The following ADGRB3 variants were observed in gnomAD, a reference collection of about 807,000 sequenced individuals.
ADGRB3 encodes the protein adhesion G protein-coupled receptor B3, also known as brain-specific angiogenesis inhibitor 3.
Under a neutral mutation model 193.4 loss-of-function variants are expected in ADGRB3, and 37 were observed. That is an observed-to-expected ratio of 0.19 (90% CI 0.15 to 0.25). ADGRB3 has a LOEUF of 0.25. ADGRB3 is among the 10% of genes least tolerant of loss of function. The pLI is 1.00. For missense variants in ADGRB3, 1,637 were observed against 1,852.9 expected, an observed-to-expected ratio of 0.88 and a Z score of 2.14; for synonymous variants, 690 against 644.2, an observed-to-expected ratio of 1.07 and a Z score of -1.08.
intron 10 of ADGRB3, among the ~76,000 whole-genome samples, chr6:68,985,603 T>C (rs1211282202): frequency 1.3e-5 from 2 of 152,132 alleles, no homozygotes; most frequent in African/African-American, 2.4e-5. Context: ...CCTGAGAGTG[T>C]CATTCATTGC....
chr6:69,037,130 G>A (rs928799835), intron 13 of ADGRB3, among the ~76,000 whole-genome samples: 5 of 152,182 alleles, frequency 3.3e-5, no homozygotes, highest in East Asian at 3.9e-4. Flanking sequence ...TGTAGGGGGC[G>A]AAAATATCAA....
intron 24 of ADGRB3, 97 bp from the exon 25 acceptor site, chr6:69,338,819 C>T: frequency 1.1e-6 from 1 of 951,890 alleles, no homozygotes; most frequent in Non-Finnish European, 1.7e-6. Context: ...TACTTTTCTG[C>T]ATGAAATCGT....
chr6:68,869,721 C>A (rs188359436), intron 3 of ADGRB3, among the ~76,000 whole-genome samples: 63 of 143,136 alleles, frequency 4.4e-4, no homozygotes, highest in African/African-American at 1.4e-3. Flanking sequence ...GTGAGGCCTG[C>A]ATACATACAT....
chr6:68,844,146 G>C (rs1046688653), intron 3 of ADGRB3, among the ~76,000 whole-genome samples: 21 of 152,004 alleles, frequency 1.4e-4, no homozygotes, highest in Admixed American at 1.2e-3. Flanking sequence ...ACAAGTAGAG[G>C]CAACCAAAGC....
intron 31 of ADGRB3, among the ~76,000 whole-genome samples, chr6:69,385,013 T>C (rs1399717846): frequency 1.3e-5 from 2 of 149,910 alleles, no homozygotes; most frequent in Non-Finnish European, 3.0e-5. Flanking sequence ...GCACTGCAAA[T>C]GATGGTAATT....
chr6:69,075,866 A>C, intron 16 of ADGRB3, 129 bp from the exon 17 acceptor site: 1 of 692,538 alleles, frequency 1.4e-6, no homozygotes, highest in Non-Finnish European at 2.4e-6. Context: ...AATAATTAAA[A>C]AGAAATCATT....
intron 8 of ADGRB3, among the ~76,000 whole-genome samples, chr6:68,961,150 C>T (rs1046685273): frequency 6.6e-6 from 1 of 152,078 alleles, no homozygotes; most frequent in Non-Finnish European, 1.5e-5. Context: ...AATAAGATCT[C>T]TTTACAGCAG....
intron 17 of ADGRB3, among the ~76,000 whole-genome samples, chr6:69,150,493 A>G (rs1191320507): frequency 1.3e-5 from 2 of 152,108 alleles, no homozygotes; most frequent in African/African-American, 2.4e-5. Context: ...CCTGGGACTC[A>G]TCTTTCAGGT....
intron 20 of ADGRB3, among the ~76,000 whole-genome samples, chr6:69,307,223 C>A (rs1209864702): frequency 6.6e-6 from 1 of 151,498 alleles, no homozygotes; most frequent in African/African-American, 2.4e-5. Context: ...TACCTGATGT[C>A]ATTGTCTTCT....
chr6:69,207,844 T>A (rs1250131039), intron 17 of ADGRB3, among the ~76,000 whole-genome samples: 4 of 152,096 alleles, frequency 2.6e-5, no homozygotes, highest in African/African-American at 9.7e-5. Context: ...ACCATGACAG[T>A]GGATAAGGCA....
At chr6:68,903,217 G>A (rs1302538749) in intron 3 of ADGRB3, among the ~76,000 whole-genome samples, 2 of 151,988 alleles carry the variant, frequency 1.3e-5, no homozygotes, top group Non-Finnish European at 2.9e-5. Context: ...AGTCAATGAC[G>A]GGACAAAATT....
At chr6:69,193,468 C>G (rs1765236439) in intron 17 of ADGRB3, among the ~76,000 whole-genome samples, 1 of 152,020 alleles carries the variant, frequency 6.6e-6, no homozygotes, top group Non-Finnish European at 1.5e-5. Context: ...TTTATTCAGG[C>G]CTTTCTTGTT....
chr6:69,148,963 C>A (rs1217136193), intron 17 of ADGRB3, among the ~76,000 whole-genome samples: 1 of 151,992 alleles, frequency 6.6e-6, no homozygotes, highest in Non-Finnish European at 1.5e-5. Flanking sequence ...AGGATCCTTT[C>A]TTTTTCCTTG....
chr6:69,214,019 A>G (rs772727147), intron 17 of ADGRB3, among the ~76,000 whole-genome samples: 1 of 152,204 alleles, frequency 6.6e-6, no homozygotes, highest in East Asian at 1.9e-4. Flanking sequence ...TATAAATGAC[A>G]TATAAAAATA....
intron 17 of ADGRB3, among the ~76,000 whole-genome samples, chr6:69,099,886 T>C (rs1222635188): frequency 6.6e-6 from 1 of 152,210 alleles, no homozygotes; most frequent in Non-Finnish European, 1.5e-5. Context: ...GATTTACATA[T>C]AGAATATGAA....
intron 22 of ADGRB3, among the ~76,000 whole-genome samples, chr6:69,329,524 A>G (rs764309468): frequency 6.6e-6 from 1 of 152,242 alleles, no homozygotes; most frequent in Non-Finnish European, 1.5e-5. Flanking sequence ...TGCGAAATAC[A>G]TAACTCGTGT....
chr6:68,997,126 G>T (rs894548681), intron 11 of ADGRB3, among the ~76,000 whole-genome samples: 6 of 152,060 alleles, frequency 3.9e-5, no homozygotes, highest in Non-Finnish European at 5.9e-5. Flanking sequence ...ACATAGAATT[G>T]TCTACTATAT....
At chr6:69,073,604 C>T (rs4706848) in intron 16 of ADGRB3, among the ~76,000 whole-genome samples, 9,350 of 152,196 alleles carry the variant, frequency 0.061, 368 homozygotes, top group South Asian at 0.1. Context: ...AGAGAAGGGG[C>T]CAGGCTCCTC....
intron 10 of ADGRB3, among the ~76,000 whole-genome samples, chr6:68,980,080 A>G (rs556578223): frequency 6.6e-6 from 1 of 151,572 alleles, no homozygotes; most frequent in African/African-American, 2.4e-5. Flanking sequence ...GAGAAAGGCT[A>G]AAGATACTAC....
Sources: allele counts gnomAD v4.1 joint callset (sites outside exome capture counted in the v4.1 genomes callset), GRCh38; gene constraint gnomAD v4.1.1; transcripts MANE v1.5; gene names NCBI Gene and HGNC (gene_info 2026-07-23, HGNC 2026-07-21).